SMG6: variants seen among roughly 807,000 people sequenced by gnomAD.
SMG6 encodes the protein telomerase-binding protein EST1A.
SMG6 carries 66 observed loss-of-function variants against 142.2 expected under a neutral mutation model. That is an observed-to-expected ratio of 0.46 (90% CI 0.38 to 0.57). The LOEUF is 0.57. Ranked by LOEUF, SMG6 falls within the 20% of genes least tolerant of loss-of-function variation. The pLI is 0.00. For missense variants in SMG6, 1,793 were observed against 1,832.0 expected (o/e 0.98, Z 0.39); for synonymous variants, 779 against 702.4 (o/e 1.11, Z -1.72).
At chr17:2,220,250 G>C (rs575005693) in intron 10 of SMG6, among the ~76,000 whole-genome samples, 1 of 152,150 alleles carries the variant, frequency 6.6e-6, no homozygotes, top group Admixed American at 6.5e-5. Context: ...TTTATGTACA[G>C]AGATGTTAAT....
intron 8 of SMG6, among the ~76,000 whole-genome samples, chr17:2,276,794 T>G (rs1033491333): frequency 6.6e-6 from 1 of 152,136 alleles, no homozygotes; most frequent in Non-Finnish European, 1.5e-5. Context: ...TCTTTTTGTT[T>G]TTTTGAGATG....
chr17:2,077,873 T>G (rs72813494), intron 15 of SMG6, among the ~76,000 whole-genome samples: 6,773 of 152,132 alleles, frequency 0.045, 246 homozygotes, highest in Non-Finnish European at 0.058. Context: ...CTCAGAAAAG[T>G]TAAATAATCT....
At chr17:2,284,754 G>C (rs1009438195) in intron 6 of SMG6, among the ~76,000 whole-genome samples, 4 of 152,168 alleles carry the variant, frequency 2.6e-5, no homozygotes, top group African/African-American at 7.2e-5. Flanking sequence ...CGTTAACCTA[G>C]AGAGGTTTCC....
intron 8 of SMG6, among the ~76,000 whole-genome samples, chr17:2,253,559 T>C (rs942990432): frequency 3.3e-5 from 5 of 152,154 alleles, no homozygotes; most frequent in Non-Finnish European, 7.4e-5. Context: ...ACAGTCACGA[T>C]TCTCATGAGC....
chr17:2,118,498 C>A (rs2069578590), intron 13 of SMG6, among the ~76,000 whole-genome samples: 1 of 152,018 alleles, frequency 6.6e-6, no homozygotes, highest in Non-Finnish European at 1.5e-5. Flanking sequence ...AAGATCGTGC[C>A]ACTGCACTCC....
rs374315131 is a variant in SMG6, at chr17:2,081,972, C to A, written c.3535-16G>T. ...CATCCTCCTCCTTTGGGTGGTGGAG[C>A]CGACCAGGACAAAGAGGAGACAGTT... On this transcript the variant is annotated splice_polypyrimidine_tract_variant and intron_variant, in intron 14 of 18. Coordinates refer to ENST00000263073, the MANE Select transcript of SMG6 (RefSeq NM_017575.5). The A allele has an allele frequency of 5.0e-6, 8 of 1,613,856 alleles. No homozygotes were observed. The highest frequency in any genetic ancestry group is 1.7e-6 in the Non-Finnish European group (2 of 1,179,908).
chr17:2,112,705 T>C (rs1274352943), intron 13 of SMG6, among the ~76,000 whole-genome samples: 1 of 151,172 alleles, frequency 6.6e-6, no homozygotes, highest in Non-Finnish European at 1.5e-5. Context: ...TTTAGCTATA[T>C]TAAAAAGCAA....
Position 2,298,023 on chromosome 17 carries a change from A to T in SMG6, c.1880T>A (p.Ile627Asn). The T allele has an allele frequency of 6.2e-7, 1 of 1,612,040 alleles. No individual in the cohort carries two copies. The highest frequency in any genetic ancestry group is 8.5e-7 in the Non-Finnish European group (1 of 1,179,822). The change falls in exon 3 of 19, where the codon ATT (isoleucine) becomes AAT (asparagine). Residue 627 changes from isoleucine (I) to asparagine (N), a missense_variant. Around this residue, in one of 3 missense-constraint regions of SMG6, gnomAD observed 1,597 missense variants for 1,584.6 expected, o/e 1.01. Coordinates refer to ENST00000263073, the MANE Select transcript of SMG6 (RefSeq NM_017575.5). ...ATCAGAGAACTCAATATCTAATAGAATACAGCGCTCATATAGCTGCAGCAG... is the reference window on the plus strand; with the variant it reads ...ATCAGAGAACTCAATATCTAATAGATTACAGCGCTCATATAGCTGCAGCAG... Reference protein sequence around the residue: ...AELLQLYERCILLDIEFSDNQ... With the variant: ...AELLQLYERCNLLDIEFSDNQ...
chr17:2,286,093 C>T (rs930520008), intron 6 of SMG6, among the ~76,000 whole-genome samples: 1 of 152,080 alleles, frequency 6.6e-6, no homozygotes, highest in Non-Finnish European at 1.5e-5. Flanking sequence ...AAGTGCAAAA[C>T]TTATTATACA....
At chr17:2,167,524 T>C (rs575794771) in intron 13 of SMG6, among the ~76,000 whole-genome samples, 2 of 152,204 alleles carry the variant, frequency 1.3e-5, no homozygotes, top group Non-Finnish European at 2.9e-5. Context: ...TAATGCCAAA[T>C]CAGTGCTCTT....
At chr17:2,298,089 A>C in intron 2 of SMG6, 34 bp from the exon 3 acceptor site, 1 of 1,559,836 alleles carries the variant, frequency 6.4e-7, no homozygotes, top group Non-Finnish European at 8.6e-7. Context: ...CCAGCTCCAA[A>C]TACACCACAG....
In SMG6 at chr17:2,065,620, A is replaced by T; in HGVS notation, c.3895T>A (p.Tyr1299Asn). 1 of 1,613,984 alleles carries T rather than the reference A, an allele frequency of 6.2e-7. No individual in the cohort carries two copies. Residue 1299 changes from tyrosine (Y) to asparagine (N), a missense_variant, in exon 17 of 19, where the codon TAC becomes AAC. This residue lies in a region of SMG6 where 179 missense variants were observed against 212.6 expected (regional missense o/e 0.84). Transcript: ENST00000263073. The part of the protein sequence containing the change: ...GQETDHRAGG[Y>N]ARVVQEKARK... ...GCCTTCTCTTGTACCACACGGGCGT[A>T]GCCCCCAGCCCGGTGGTCTGTCTCC...
At chr17:2,246,589 C>A (rs2073932485) in intron 8 of SMG6, among the ~76,000 whole-genome samples, 1 of 152,188 alleles carries the variant, frequency 6.6e-6, no homozygotes, top group Non-Finnish European at 1.5e-5. Flanking sequence ...CAGAATATTT[C>A]ATTGAAGATA....
intron 13 of SMG6, among the ~76,000 whole-genome samples, chr17:2,133,361 G>C (rs776754344): frequency 2.6e-5 from 4 of 152,172 alleles, no homozygotes; most frequent in Non-Finnish European, 4.4e-5. Context: ...GAGAACTTAT[G>C]TTTAATTCTT....
intron 13 of SMG6, among the ~76,000 whole-genome samples, chr17:2,145,756 G>T (rs1303262267): frequency 6.8e-6 from 1 of 148,046 alleles, no homozygotes; most frequent in Non-Finnish European, 1.5e-5. Flanking sequence ...CAAAAAACAA[G>T]AAGCCACAGA....
Position 2,065,242 on chromosome 17 carries a change from T to A in SMG6, c.4048-88A>T, listed in dbSNP as rs1041598513. The stretch of plus-strand genomic sequence containing the variant: ...GAGGGATCCTCTGCCTCGGGGGCCC[T>A]GGGCAGGGCCACCTCCCCGATCCCT... On this transcript the variant is annotated intron_variant, in intron 17 of 18. Transcript: ENST00000263073. 11 of 1,207,834 alleles carry A rather than the reference T, an allele frequency of 9.1e-6. 1 individual carries two copies. The South Asian group carries it at 1.4e-4, about 16-fold the overall frequency. 74.8% of individuals were successfully genotyped at this position (1,207,834 alleles called of 1,614,324 possible).
chr17:2,112,524 A>AAAAT (rs141512888), intron 13 of SMG6, among the ~76,000 whole-genome samples: 2,297 of 139,690 alleles, frequency 0.016, 18 homozygotes, highest in Non-Finnish European at 0.023. Context: ...AATAAAATAA[A>AAAAT]AAATAAATAA....
At chr17:2,100,063 T>C (rs1309951212) in intron 13 of SMG6, among the ~76,000 whole-genome samples, 2 of 145,344 alleles carry the variant, frequency 1.4e-5, no homozygotes, top group East Asian at 4.0e-4. Flanking sequence ...TTCGAGACAG[T>C]GTCTTGCTTT....
rs367766160 is a variant in SMG6 at position 2,297,835 on chromosome 17, T to C, written c.2040+28A>G. On this transcript the variant is annotated intron_variant, in intron 3 of 18. Transcript: ENST00000263073. ...TAACTACAGAATGCTGAAGCCTTTA[T>C]CCTGAGGACAAAAAGATGACAGTTT... 20 of 1,600,732 alleles carry C rather than the reference T, an allele frequency of 1.2e-5. No individual in the cohort carries two copies. The African/African-American group carries it at 2.4e-4, about 19-fold the overall frequency.
Sources: allele counts gnomAD v4.1 joint callset (sites outside exome capture counted in the v4.1 genomes callset), GRCh38; gene constraint gnomAD v4.1.1; regional missense constraint gnomAD v4.1.1; transcripts MANE v1.5; gene names NCBI Gene and HGNC (gene_info 2026-07-23, HGNC 2026-07-21).